The following NOTCH2 variants were observed in gnomAD, a reference collection of about 807,000 sequenced individuals.
NOTCH2 encodes neurogenic locus notch homolog protein 2.
NOTCH2 carries 29 observed loss-of-function variants against 235.8 expected under a neutral mutation model. The ratio of observed to expected loss-of-function variants is 0.12; its 90% CI spans 0.09 to 0.17. The LOEUF is 0.17. NOTCH2 is among the 10% of genes least tolerant of loss of function. The pLI, the probability that NOTCH2 is intolerant of heterozygous loss-of-function variation, is 1.00. For missense variants in NOTCH2, 2,285 were observed against 3,150.2 expected (o/e 0.73, Z 6.57); for synonymous variants, 1,086 against 1,141.5 (o/e 0.95, Z 0.98).
chr1:119,995,659 T>C (rs1269123787), intron 4 of NOTCH2: 6 of 152,234 alleles, frequency 3.9e-5, no homozygotes, highest in Non-Finnish European at 5.9e-5. Context: ...TCTAGAATGA[T>C]AGCATTATCT....
intron 29 of NOTCH2, among the ~76,000 whole-genome samples, chr1:119,921,308 C>A (rs1649277495): frequency 6.6e-6 from 1 of 152,184 alleles, no homozygotes; most frequent in Non-Finnish European, 1.5e-5. Context: ...CACTGGCTTT[C>A]ATTTTGCCAA....
intron 17 of NOTCH2, among the ~76,000 whole-genome samples, chr1:119,947,896 T>C (rs1228265936): frequency 6.6e-6 from 1 of 152,216 alleles, no homozygotes; most frequent in Non-Finnish European, 1.5e-5. Context: ...GACTTATGCT[T>C]ATCTAACTGC....
Position 119,923,638 on chromosome 1 carries a change from C to A in NOTCH2, c.4858G>T (p.Gly1620Cys), listed in dbSNP as rs1649361759. The A allele has an allele frequency of 6.2e-7, 1 of 1,613,654 alleles. No homozygotes were observed. Among genetic ancestry groups the A allele is most frequent in the Non-Finnish European group, 8.5e-7 (1 of 1,179,882 alleles). The change falls in exon 26 of 34, where the codon GGC becomes TGC. Residue 1620 changes from glycine to cysteine, a missense_variant and splice_region_variant. By Grantham distance (159) the Gly-to-Cys change is radical. Coordinates refer to ENST00000256646, the MANE Select transcript of NOTCH2 (RefSeq NM_024408.4). ...LPGEQEQEVA[G>C]SKVFLEIDNR... ...GAAGTTCAGAAACCAAACACCTACC[C>A]AGCCACCTCCTGTTCTTGTTCACCA...
chr1:119,928,052 C>T (rs1417702917), intron 23 of NOTCH2, among the ~76,000 whole-genome samples: 1 of 152,148 alleles, frequency 6.6e-6, no homozygotes, highest in African/African-American at 2.4e-5. Context: ...AATACAACTA[C>T]AGACCCCAGG....
rs781798745 is a variant in NOTCH2 at position 119,937,507 on chromosome 1, G to C, written c.3338-41C>G. The C allele has an allele frequency of 2.5e-5, 39 of 1,573,212 alleles. 1 individual carries two copies. Among genetic ancestry groups the C allele is most frequent in the Non-Finnish European group, 3.4e-5 (39 of 1,151,048 alleles). ...AGGGAGAAATGTCATAGAAGAACATGTGACACATGGGGTTCAAATCAACCA... is the reference window on the plus strand; with the variant it reads ...AGGGAGAAATGTCATAGAAGAACATCTGACACATGGGGTTCAAATCAACCA... On this transcript the variant is annotated intron_variant, in intron 20 of 33. Coordinates refer to ENST00000256646, the MANE Select transcript of NOTCH2 (RefSeq NM_024408.4).
Position 120,001,777 on chromosome 1 carries a change from G to T in NOTCH2, c.415+3552C>A, listed in dbSNP as rs587677940. Among the ~76,000 whole-genome samples, 315 of 152,264 alleles carry T rather than the reference G, an allele frequency of 2.1e-3. 1 individual carries two copies. Among genetic ancestry groups the T allele is most frequent in the Non-Finnish European group, 1.5e-3 (101 of 68,022 alleles). On this transcript the variant is annotated intron_variant, in intron 3 of 33. Transcript: ENST00000256646. ...ATGGAATGCCTTATCCACTGTCATGGTATTCCACACAGCATTGCCTCTAAC... is the reference window on the plus strand; with the variant it reads ...ATGGAATGCCTTATCCACTGTCATGTTATTCCACACAGCATTGCCTCTAAC...
intron 21 of NOTCH2, 83 bp downstream of exon 21, chr1:119,937,199 C>T: frequency 7.7e-7 from 1 of 1,302,804 alleles, no homozygotes; most frequent in African/African-American, 1.5e-5. Flanking sequence ...AAGATACAAG[C>T]AGCTAAATTC....
rs1208726913 is a variant in NOTCH2, at chr1:119,923,799, A to G, written c.4697T>C (p.Leu1566Ser). ...GTGGAGCAGGGTACCCAGTGCCCGCAAGAAGCTGCGAGCATCCTGGAGCAG... is the reference window on the plus strand; with the variant it reads ...GTGGAGCAGGGTACCCAGTGCCCGCGAGAAGCTGCGAGCATCCTGGAGCAG... ...EQLLQDARSF[L>S]RALGTLLHTN... The change falls in exon 26 of 34, where the codon TTG becomes TCG. Residue 1566 changes from leucine to serine, a missense_variant. By Grantham distance (145) the Leu-to-Ser change is moderately radical. This residue lies in a region of NOTCH2 where 1,173 missense variants were observed against 1,515.3 expected (regional missense o/e 0.77). Transcript: ENST00000256646. 2.5e-6 allele frequency: 4 copies of G among 1,614,056 alleles called. No individual in the cohort carries two copies. In the Admixed American group the frequency reaches 6.7e-5, roughly 27 times the overall value.
chr1:119,999,931 G>GA (rs1429234844), intron 3 of NOTCH2, among the ~76,000 whole-genome samples: 1 of 86,844 alleles, frequency 1.2e-5, no homozygotes, highest in Non-Finnish European at 2.2e-5. Context: ...AAGAAAGAAA[G>GA]AAAGAAAGAA....
At chr1:119,986,865 G>A in intron 5 of NOTCH2, 95 bp downstream of exon 5, 1 of 1,520,480 alleles carries the variant, frequency 6.6e-7, no homozygotes, top group Non-Finnish European at 9.1e-7. Flanking sequence ...TCCAGAGCAG[G>A]CCTAAGATAT....
chr1:120,068,917 G>C (rs782760836), intron 1 of NOTCH2: 1 of 814,508 alleles, frequency 1.2e-6, no homozygotes, highest in African/African-American at 2.0e-5. Flanking sequence ...CCCTGCCCCC[G>C]CTCTCCACGC....
intron 17 of NOTCH2, among the ~76,000 whole-genome samples, chr1:119,943,984 TAGTAA>T (rs2101108761): frequency 6.6e-6 from 1 of 152,084 alleles, no homozygotes; most frequent in South Asian, 2.1e-4. Context: ...AGGAAACAAT[TAGTAA>T]ACTTGAAAGT....
chr1:119,965,423 C>A, intron 10 of NOTCH2, 30 bp downstream of exon 10: 2 of 1,537,370 alleles, frequency 1.3e-6, no homozygotes, highest in Non-Finnish European at 1.8e-6. Flanking sequence ...ATGGACCTAC[C>A]AAGGAGATGA....
chr1:120,001,209 T>C (rs1652737449), intron 3 of NOTCH2, among the ~76,000 whole-genome samples: 1 of 152,298 alleles, frequency 6.6e-6, no homozygotes, highest in East Asian at 1.9e-4. Context: ...GATATCTTTA[T>C]CAGCAGCGTG....
rs1651103929 is a variant in NOTCH2, at chr1:119,965,544, C to T, written c.1590G>A (p.Gln530=). 1 of 1,613,892 alleles carries T rather than the reference C, an allele frequency of 6.2e-7. No homozygotes were observed. ...TACTGGAACAGTCATCAATATCAAT[C>T]TGGCAAACTGGCCCAGTGAAACCTC... The part of the protein sequence containing the change: ...CPPGFTGPVC[Q]IDIDDCSSTP... Residue 530 remains glutamine, a synonymous_variant, in exon 10 of 34, where the codon CAG becomes CAA. Coordinates refer to ENST00000256646, the MANE Select transcript of NOTCH2 (RefSeq NM_024408.4).
intron 4 of NOTCH2, chr1:119,994,951 A>T (rs2101203979): frequency 6.7e-6 from 1 of 148,210 alleles, no homozygotes; most frequent in South Asian, 2.2e-4. Context: ...TTCCTGAGTC[A>T]CCAAAAAAAT....
rs1395495745 is a variant in NOTCH2 at position 119,912,502 on chromosome 1, A to G, written c.*2804T>C. ...TATACTAAAATATTTTAATTCTCAGACTCTCTTTCCCTCATACCTTTCCCT... is the reference window on the plus strand; with the variant it reads ...TATACTAAAATATTTTAATTCTCAGGCTCTCTTTCCCTCATACCTTTCCCT... On this transcript the variant is annotated 3_prime_UTR_variant, in exon 34 of 34. Transcript: ENST00000256646. 4.3e-6 allele frequency: 1 copy of G among 233,096 alleles called. No homozygotes were observed. Among genetic ancestry groups the G allele is most frequent in the East Asian group, 6.1e-5 (1 of 16,526 alleles). 14.4% of individuals were successfully genotyped at this position (233,096 alleles called of 1,614,324 possible).
intron 17 of NOTCH2, among the ~76,000 whole-genome samples, chr1:119,944,986 T>A (rs1335856194): frequency 6.6e-6 from 1 of 152,148 alleles, no homozygotes; most frequent in African/African-American, 2.4e-5. Context: ...GACTTTTAAA[T>A]TATTTTTCAA....
intron 2 of NOTCH2, among the ~76,000 whole-genome samples, chr1:120,011,567 AC>A (rs1653193121): frequency 6.6e-6 from 1 of 152,058 alleles, no homozygotes; most frequent in Non-Finnish European, 1.5e-5. Flanking sequence ...CCAGGTATAT[AC>A]CCGAAGTAAC....
Sources: gnomAD v4.1 joint callset for allele counts (sites outside exome capture counted in the v4.1 genomes callset) on GRCh38, gnomAD v4.1.1 for gene constraint, gnomAD v4.1.1 regional missense constraint, MANE v1.5 for transcripts, NCBI Gene and HGNC (gene_info 2026-07-23, HGNC 2026-07-21) for gene names.